Variants in KIF18A observed in about 807,000 individuals in gnomAD.
The protein encoded by KIF18A is kinesin family member 18A.
Under a neutral mutation model 103.3 loss-of-function variants are expected in KIF18A, and 67 were observed. That is an observed-to-expected ratio of 0.65 (90% CI 0.53 to 0.79). The LOEUF is 0.79. Ranked by LOEUF, KIF18A falls within the 30% of genes least tolerant of loss-of-function variation. The probability of loss-of-function intolerance (pLI) is 0.00; values close to 1 mark genes in which losing one functional copy is unlikely to be tolerated. For missense variants in KIF18A, 1,032 were observed against 1,062.5 expected (o/e 0.97, Z 0.40); for synonymous variants, 367 against 355.5 (o/e 1.03, Z -0.36).
At chr11:28,073,868 G>A (rs1052443540) in intron 10 of KIF18A, among the ~76,000 whole-genome samples, 8 of 152,074 alleles carry the variant, frequency 5.3e-5, no homozygotes, top group East Asian at 1.9e-4. Context: ...TAAGAGTTTC[G>A]TTAAAGTTGA....
At chr11:28,096,113 T>C (rs1395741677) in intron 2 of KIF18A, among the ~76,000 whole-genome samples, 4 of 135,392 alleles carry the variant, frequency 3.0e-5, no homozygotes, top group Non-Finnish European at 6.1e-5. Flanking sequence ...TCTCATATCA[T>C]TGCAGTGAGC....
intron 1 of KIF18A, among the ~76,000 whole-genome samples, chr11:28,099,856 G>A (rs897387067): frequency 1.3e-5 from 2 of 152,080 alleles, no homozygotes; most frequent in African/African-American, 2.4e-5. Flanking sequence ...ACTGGAAGTC[G>A]TTTTGAGCAC....
At chr11:28,089,036 C>G (rs1356882143) in intron 5 of KIF18A, among the ~76,000 whole-genome samples, 4 of 152,104 alleles carry the variant, frequency 2.6e-5, no homozygotes, top group Non-Finnish European at 5.9e-5. Context: ...TGGTTAGAAA[C>G]ACAGGTCCTA....
intron 15 of KIF18A, among the ~76,000 whole-genome samples, chr11:28,027,436 T>G (rs1850335307): frequency 6.6e-6 from 1 of 151,504 alleles, no homozygotes; most frequent in Admixed American, 6.6e-5. Context: ...GCTACTCAAA[T>G]CCATGGTTTA....
intron 15 of KIF18A, among the ~76,000 whole-genome samples, chr11:28,024,205 A>C (rs912123030): frequency 4.0e-5 from 6 of 151,488 alleles, no homozygotes; most frequent in South Asian, 4.2e-4. Context: ...AAAAAAAAAA[A>C]AAAAAACTAA....
intron 13 of KIF18A, among the ~76,000 whole-genome samples, chr11:28,047,835 G>A (rs1375442984): frequency 2.0e-5 from 3 of 152,034 alleles, no homozygotes; most frequent in African/African-American, 7.2e-5. Context: ...ACTGAAAAGA[G>A]AAAGTAGGCA....
chr11:28,098,254 C>G (rs1485569814), intron 1 of KIF18A, among the ~76,000 whole-genome samples: 2 of 152,086 alleles, frequency 1.3e-5, no homozygotes, highest in Non-Finnish European at 2.9e-5. Flanking sequence ...ATAAAAATCT[C>G]TTTACCTGAA....
chr11:28,082,826 C>T lies in KIF18A; in HGVS notation c.1262+30G>A, dbSNP rs183695038. The T allele has an allele frequency of 4.5e-6, 6 of 1,339,220 alleles. No homozygotes were observed. In the East Asian group the frequency reaches 1.2e-4, roughly 26 times the overall value. 83.0% of individuals were successfully genotyped at this position (1,339,220 alleles called of 1,614,324 possible). A position where few individuals can be genotyped will look rare whatever the true frequency, so the allele number is the denominator to read the frequency against. On this transcript the variant is annotated intron_variant, in intron 9 of 16. Transcript: ENST00000263181. ...AACAAAATTTTAAAACAATAAATTC[C>T]TCAAAATTAGATCTTAATGTAATGT...
intron 15 of KIF18A, among the ~76,000 whole-genome samples, chr11:28,034,646 G>C (rs991989102): frequency 2.0e-5 from 3 of 151,714 alleles, no homozygotes; most frequent in Admixed American, 1.3e-4. Context: ...AATACCTTGA[G>C]GACAAAACCT....
In KIF18A at chr11:28,077,646, T is replaced by C. The variant is rs537419691; in HGVS notation, c.1263-477A>G. On this transcript the variant is annotated intron_variant, in intron 9 of 16. Coordinates refer to ENST00000263181, the MANE Select transcript of KIF18A (RefSeq NM_031217.4). ...ATAAGCAGTAGGAGGCATAATCATA[T>C]GGTGCCTCCATGGCCCCCTAGGGAA... Among the ~76,000 whole-genome samples the C allele has an allele frequency of 5.3e-5, 8 of 152,314 alleles. No individual in the cohort carries two copies. The South Asian group carries it at 1.5e-3, about 28-fold the overall frequency.
intron 11 of KIF18A, among the ~76,000 whole-genome samples, chr11:28,066,782 A>AATTAT (rs11273276): frequency 0.091 from 12,999 of 142,250 alleles, 637 homozygotes; most frequent in East Asian, 0.15. Flanking sequence ...CTGGAAGAGA[A>AATTAT]ATTATATTAT....
intron 1 of KIF18A, 59 bp from the exon 2 acceptor site, chr11:28,098,052 C>A: frequency 2.3e-6 from 2 of 855,360 alleles, no homozygotes; most frequent in East Asian, 2.6e-5. Flanking sequence ...TGCAAAACAA[C>A]TGGCATGTAG....
At chr11:28,039,503 T>G (rs1850533561) in intron 13 of KIF18A, among the ~76,000 whole-genome samples, 1 of 151,784 alleles carries the variant, frequency 6.6e-6, no homozygotes, top group African/African-American at 2.4e-5. Context: ...AAATACATAC[T>G]TAGCAGGTAT....
At chr11:28,054,500 GT>G (rs1850753425) in intron 13 of KIF18A, among the ~76,000 whole-genome samples, 1 of 152,128 alleles carries the variant, frequency 6.6e-6, no homozygotes, top group Admixed American at 6.6e-5. Flanking sequence ...GTAAGCCACT[GT>G]CCCTGGCCCA....
chr11:28,083,130 A>T, intron 8 of KIF18A, 39 bp downstream of exon 8: 1 of 1,562,646 alleles, frequency 6.4e-7, no homozygotes, highest in Non-Finnish European at 8.6e-7. Context: ...ATAAATGAAG[A>T]ACTGCGCAAG....
chr11:28,058,304 C>T (rs1474922540), intron 13 of KIF18A, among the ~76,000 whole-genome samples: 3 of 151,084 alleles, frequency 2.0e-5, no homozygotes, highest in Admixed American at 2.0e-4. Flanking sequence ...ATTTCCTGCC[C>T]TTAATAGAGG....
In KIF18A at chr11:28,059,067, C is replaced by T. The variant is rs1352226889; in HGVS notation, c.1807G>A (p.Glu603Lys). 3 of 1,614,050 alleles carry T rather than the reference C, an allele frequency of 1.9e-6. No homozygotes were observed. The highest frequency in any genetic ancestry group is 1.7e-6 in the Non-Finnish European group (2 of 1,179,968). The change falls in exon 13 of 17, where the codon GAG becomes AAG. Residue 603 changes from glutamate to lysine, a missense_variant. Physicochemically the swap from Glu to Lys is moderately conservative, Grantham distance 56. Transcript: ENST00000263181. ...TTCCTCTCTACCAAATGTTCGATCTCTTTGAAGTCAGATTCAAAAGCAGCA... is the reference window on the plus strand; with the variant it reads ...TTCCTCTCTACCAAATGTTCGATCTTTTTGAAGTCAGATTCAAAAGCAGCA... Reference protein sequence around the residue: ...SNAAFESDFKEIEHLVERKKV... With the variant: ...SNAAFESDFKKIEHLVERKKV...
At chr11:28,069,237 G>A (rs1157482566) in intron 11 of KIF18A, 22 bp downstream of exon 11, 1 of 1,591,034 alleles carries the variant, frequency 6.3e-7, no homozygotes, top group East Asian at 2.2e-5. Context: ...AATTAAATCT[G>A]AACATACAGA....
At chr11:28,041,772 T>G (rs767070669) in intron 13 of KIF18A, among the ~76,000 whole-genome samples, 1 of 151,800 alleles carries the variant, frequency 6.6e-6, no homozygotes, top group Non-Finnish European at 1.5e-5. Context: ...GATGGAGAGA[T>G]GTGAGAAGGG....
Sources: gnomAD v4.1 joint callset for allele counts (sites outside exome capture counted in the v4.1 genomes callset) on GRCh38, gnomAD v4.1.1 for gene constraint, MANE v1.5 for transcripts, NCBI Gene and HGNC (gene_info 2026-07-23, HGNC 2026-07-21) for gene names.